The following SYNRG variants were observed in gnomAD, a reference collection of about 807,000 sequenced individuals.
The protein encoded by SYNRG is AP1 gamma subunit binding protein 1.
Under a neutral mutation model 130.9 loss-of-function variants are expected in SYNRG, and 37 were observed. The observed-to-expected ratio is 0.28, with a 90% confidence interval of 0.22 to 0.37. The LOEUF is 0.37. SYNRG is among the 10% of genes least tolerant of loss of function. The pLI is 1.00. For missense variants in SYNRG, 1,338 were observed against 1,588.9 expected (o/e 0.84, Z 2.68); for synonymous variants, 539 against 568.1 (o/e 0.95, Z 0.73).
chr17:37,562,414 C>CT (rs200328792), intron 11 of SYNRG, among the ~76,000 whole-genome samples: 1 of 152,092 alleles, frequency 6.6e-6, no homozygotes, highest in African/African-American at 2.4e-5. Flanking sequence ...TCTTCTTCTT[C>CT]TCTTATCAGA....
intron 6 of SYNRG, among the ~76,000 whole-genome samples, chr17:37,580,996 A>C (rs997685268): frequency 1.2e-4 from 18 of 152,104 alleles, no homozygotes; most frequent in African/African-American, 4.1e-4. Flanking sequence ...ACACATTATT[A>C]AGGTGATATT....
Position 37,520,545 on chromosome 17 carries a change from C to T in SYNRG, c.3770G>A (p.Arg1257Lys), listed in dbSNP as rs140582285. 6.2e-7 allele frequency: 1 copy of T among 1,614,058 alleles called. No individual in the cohort carries two copies. The highest frequency in any genetic ancestry group is 1.1e-5 in the South Asian group (1 of 91,086). ...GGAGGCTGCGTGACTTACCCGGCTC[C>T]TCGAGTCCACATTCAAGAGGCACAC... ...CGVCLLNVDS[R>K]SRKEEKPAEE... Residue 1257 changes from arginine (R) to lysine (K), a missense_variant, in exon 20 of 22, where the codon AGG (arginine) becomes AAG (lysine). Transcript: ENST00000612223.
In SYNRG at chr17:37,553,582, G is replaced by A. The variant is rs779187593; in HGVS notation, c.2141C>T (p.Ala714Val). 2 of 1,614,122 alleles carry A rather than the reference G, an allele frequency of 1.2e-6. No homozygotes were observed. Among genetic ancestry groups the A allele is most frequent in the South Asian group, 1.1e-5 (1 of 91,070 alleles). Reference sequence around the variant, plus strand: ...AACAGGACTGGCTTCCTCTTTAAGGGCATCATATTTGTCATCCGGCTTTTG... The same window carrying A: ...AACAGGACTGGCTTCCTCTTTAAGGACATCATATTTGTCATCCGGCTTTTG... ...SEQKPDDKYDALKEEASPVPL... is the reference protein window; with the variant it reads ...SEQKPDDKYDVLKEEASPVPL... The change falls in exon 14 of 22, where the codon GCC becomes GTC. Residue 714 changes from alanine (A) to valine (V), a missense_variant. Physicochemically the swap from Ala to Val is moderately conservative, Grantham distance 64. Transcript: ENST00000612223.
intron 6 of SYNRG, among the ~76,000 whole-genome samples, chr17:37,583,965 G>C (rs1168029088): frequency 6.6e-6 from 1 of 152,206 alleles, no homozygotes; most frequent in Non-Finnish European, 1.5e-5. Context: ...CAAAGTGCTG[G>C]GATTACAGGC....
At chr17:37,521,125 C>T (rs894121573) in intron 19 of SYNRG, among the ~76,000 whole-genome samples, 4 of 151,506 alleles carry the variant, frequency 2.6e-5, no homozygotes, top group Admixed American at 6.6e-5. Flanking sequence ...CTCTGCCTCC[C>T]GGGTTCAAGC....
chr17:37,568,555 A>G (rs2060171086), intron 11 of SYNRG: 2 of 404,970 alleles, frequency 4.9e-6, no homozygotes, highest in African/African-American at 4.0e-5. Flanking sequence ...GCACAGGTAA[A>G]AAAGAATATT....
At chr17:37,545,252 T>C (rs2145045472) in intron 14 of SYNRG, among the ~76,000 whole-genome samples, 1 of 151,680 alleles carries the variant, frequency 6.6e-6, no homozygotes, top group East Asian at 1.9e-4. Context: ...AATAATTAGC[T>C]GGGCGTGGTG....
At chr17:37,555,422 C>T (rs1176397758) in intron 13 of SYNRG, among the ~76,000 whole-genome samples, 1 of 152,120 alleles carries the variant, frequency 6.6e-6, no homozygotes, top group East Asian at 1.9e-4. Context: ...CTACAGCACC[C>T]GGCCCAAGGC....
chr17:37,553,892 G>C lies in SYNRG; in HGVS notation c.1831C>G (p.Pro611Ala). ...ATATCTAGGTCTGCTAAGTTCAGAG[G>C]GTTTTTCACTTGTGTTTGTTGTTTC... The part of the protein sequence containing the change: ...QQKQQTQVKN[P>A]LNLADLDMFS... The change falls in exon 14 of 22, where the codon CCT becomes GCT. Residue 611 changes from proline to alanine, a missense_variant. This residue lies in a region of SYNRG where 1,146 missense variants were observed against 1,342.3 expected (regional missense o/e 0.85). Transcript: ENST00000612223. The C allele has an allele frequency of 6.2e-7, 1 of 1,606,778 alleles. No individual in the cohort carries two copies. Among genetic ancestry groups the C allele is most frequent in the Non-Finnish European group, 8.5e-7 (1 of 1,178,496 alleles).
chr17:37,600,690 A>G (rs1393167430), intron 1 of SYNRG: 2 of 524,298 alleles, frequency 3.8e-6, no homozygotes, highest in East Asian at 3.5e-5. Context: ...CTATAAAATG[A>G]GAGAGTTTAG....
At chr17:37,543,240 C>T (rs2057937074) in intron 14 of SYNRG, among the ~76,000 whole-genome samples, 1 of 152,022 alleles carries the variant, frequency 6.6e-6, no homozygotes, top group Non-Finnish European at 1.5e-5. Flanking sequence ...TCTACTTTAG[C>T]CCTTAAAAAA....
chr17:37,556,784 T>C (rs923675409), intron 13 of SYNRG, among the ~76,000 whole-genome samples: 3 of 152,250 alleles, frequency 2.0e-5, no homozygotes, highest in African/African-American at 2.4e-5. Context: ...TTTAGATTAG[T>C]AGTATCACTG....
At chr17:37,579,208 AG>A (rs2061089828) in intron 6 of SYNRG, 1 of 1,242,950 alleles carries the variant, frequency 8.0e-7, no homozygotes, top group Admixed American at 3.1e-5. Context: ...GTAAGGCAAA[AG>A]GCACTGGACT....
intron 3 of SYNRG, among the ~76,000 whole-genome samples, chr17:37,592,503 A>T (rs2062285380): frequency 6.6e-6 from 1 of 152,244 alleles, no homozygotes; most frequent in Admixed American, 6.5e-5. Flanking sequence ...TAATAGCCAA[A>T]AATTGTAAAC....
chr17:37,531,181 C>T (rs186719487), intron 19 of SYNRG, among the ~76,000 whole-genome samples: 6 of 152,146 alleles, frequency 3.9e-5, no homozygotes, highest in East Asian at 1.9e-4. Flanking sequence ...TGTAGTGAGC[C>T]GTGATTGTGC....
At chr17:37,547,075 G>A (rs949849827) in intron 14 of SYNRG, among the ~76,000 whole-genome samples, 4 of 152,186 alleles carry the variant, frequency 2.6e-5, no homozygotes, top group African/African-American at 9.7e-5. Flanking sequence ...GCTGAAAAAT[G>A]CTGCTGTTTA....
chr17:37,565,025 A>G (rs1056139817), intron 11 of SYNRG, among the ~76,000 whole-genome samples: 2 of 152,188 alleles, frequency 1.3e-5, no homozygotes, highest in African/African-American at 4.8e-5. Flanking sequence ...GCACTTTGGG[A>G]GGCCGAGGCA....
At chr17:37,601,620 G>A (rs746871215) in intron 1 of SYNRG, among the ~76,000 whole-genome samples, 42 of 152,088 alleles carry the variant, frequency 2.8e-4, no homozygotes, top group Non-Finnish European at 4.6e-4. Context: ...ATTTTAGAGC[G>A]TAAGAAAGCT....
At position 37,577,586 on chromosome 17, in the gene SYNRG, A is replaced by G; in HGVS notation, c.617T>C (p.Val206Ala). 4 of 1,614,136 alleles carry G rather than the reference A, an allele frequency of 2.5e-6. No homozygotes were observed. Among genetic ancestry groups the G allele is most frequent in the Non-Finnish European group, 3.4e-6 (4 of 1,180,026 alleles). Residue 206 changes from valine (V) to alanine (A), a missense_variant, in exon 7 of 22, where the codon GTA (valine) becomes GCA (alanine). Physicochemically the swap from Val to Ala is moderately conservative, Grantham distance 64 (BLOSUM62 0). Coordinates refer to ENST00000612223, the MANE Select transcript of SYNRG (RefSeq NM_007247.6). ...CCCAGATGTACTTATATCACAAGATACTAGGAACTTCTCCTCCAAGGAAGG... is the reference window on the plus strand; with the variant it reads ...CCCAGATGTACTTATATCACAAGATGCTAGGAACTTCTCCTCCAAGGAAGG... ...PGPSLEEKFL[V>A]SCDISTSGQE...
Sources: allele counts gnomAD v4.1 joint callset (sites outside exome capture counted in the v4.1 genomes callset), GRCh38; gene constraint gnomAD v4.1.1; regional missense constraint gnomAD v4.1.1; transcripts MANE v1.5; gene names NCBI Gene and HGNC (gene_info 2026-07-23, HGNC 2026-07-21).